The following PACSIN1 variants were observed in gnomAD, a reference collection of about 807,000 sequenced individuals.
PACSIN1 encodes protein kinase C and casein kinase substrate in neurons 1.
Under a neutral mutation model 59.5 loss-of-function variants are expected in PACSIN1, and 15 were observed. The observed-to-expected ratio is 0.25, with a 90% CI of 0.17 to 0.39. PACSIN1 has a LOEUF of 0.39. Among genes scored for constraint, PACSIN1 ranks in the 10% least tolerant of loss-of-function variants. The pLI is 1.00. For missense variants in PACSIN1, 420 were observed against 580.2 expected (o/e 0.72, Z 2.84); for synonymous variants, 210 against 220.6 (o/e 0.95, Z 0.42).
At chr6:34,501,043 C>T (rs1185548821) in intron 1 of PACSIN1, among the ~76,000 whole-genome samples, 2 of 152,228 alleles carry the variant, frequency 1.3e-5, no homozygotes, top group African/African-American at 2.4e-5. Context: ...CTGTTTTCAT[C>T]TTCTATTTAG....
At chr6:34,489,926 AG>A (rs990241959) in intron 1 of PACSIN1, among the ~76,000 whole-genome samples, 1 of 152,214 alleles carries the variant, frequency 6.6e-6, no homozygotes, top group African/African-American at 2.4e-5. Flanking sequence ...CTGGGGTTGC[AG>A]GGTCCTTCCT....
In PACSIN1 at chr6:34,478,207, A is replaced by G. The variant is rs572961228; in HGVS notation, c.-64+11937A>G. On this transcript the variant is annotated intron_variant, in intron 1 of 9. Transcript: ENST00000244458. ...CCTGAGTAGCTGGGACTACAGGCGC[A>G]TCCCACAGTGCCCAGCTAATTTTTT... Among the ~76,000 whole-genome samples, 18 of 146,278 alleles carry G rather than the reference A, an allele frequency of 1.2e-4. No individual in the cohort carries two copies. In the East Asian group the frequency reaches 1.4e-3, roughly 12 times the overall value.
chr6:34,476,145 C>T (rs3846866), intron 1 of PACSIN1, among the ~76,000 whole-genome samples: 53,992 of 152,030 alleles, frequency 0.36, 11,170 homozygotes, highest in Middle Eastern at 0.47. Context: ...AGTATTTAGC[C>T]GCCACCACCG....
In PACSIN1 at chr6:34,526,826, T is replaced by C. The variant is rs563894974; in HGVS notation, c.63+458T>C. Among the ~76,000 whole-genome samples the C allele has an allele frequency of 2.0e-5, 3 of 152,206 alleles. No individual in the cohort carries two copies. The South Asian group carries it at 6.2e-4, about 32-fold the overall frequency. On this transcript the variant is annotated intron_variant, in intron 2 of 9. Coordinates refer to ENST00000244458, the MANE Select transcript of PACSIN1 (RefSeq NM_020804.5). ...AGCATTTTCAGAACCTTCGGAAATA[T>C]TTGAGACCTGGAGAAAAAAAATTGC...
chr6:34,479,142 A>G (rs190743159), intron 1 of PACSIN1, among the ~76,000 whole-genome samples: 85 of 152,306 alleles, frequency 5.6e-4, no homozygotes, highest in African/African-American at 1.9e-3. Flanking sequence ...CTCCCAACAC[A>G]GCCACATTGG....
intron 1 of PACSIN1, among the ~76,000 whole-genome samples, chr6:34,493,637 C>G (rs1273505039): frequency 6.6e-6 from 1 of 152,166 alleles, no homozygotes; most frequent in African/African-American, 2.4e-5. Context: ...TGTTGTGAAC[C>G]CTGGTGGGGA....
chr6:34,482,530 T>C (rs893264657), intron 1 of PACSIN1, among the ~76,000 whole-genome samples: 2 of 152,258 alleles, frequency 1.3e-5, no homozygotes, highest in African/African-American at 2.4e-5. Flanking sequence ...TGATGGACAT[T>C]TGAGTTGTTT....
At chr6:34,473,438 C>G (rs1766598803) in intron 1 of PACSIN1, among the ~76,000 whole-genome samples, 1 of 152,120 alleles carries the variant, frequency 6.6e-6, no homozygotes, top group South Asian at 2.1e-4. Context: ...GACAGGTGGC[C>G]CAGGGCTGCT....
chr6:34,489,840 A>G (rs1417832374), intron 1 of PACSIN1, among the ~76,000 whole-genome samples: 2 of 152,220 alleles, frequency 1.3e-5, no homozygotes, highest in East Asian at 3.8e-4. Context: ...TTTCTCCCAC[A>G]TATAGTTACT....
Position 34,526,151 on chromosome 6 carries a change from G to A in PACSIN1, c.-63-92G>A, listed in dbSNP as rs1023658878. ...TGGCATCCTAATGCAAGCCTCCCTG[G>A]GTCCCATCGGTTTGGGGACCCAGGC... On this transcript the variant is annotated intron_variant, in intron 1 of 9. Transcript: ENST00000244458. The A allele has an allele frequency of 6.4e-5, 39 of 610,940 alleles. No homozygotes were observed. In the East Asian group the frequency reaches 6.9e-4, roughly 11 times the overall value. 37.8% of individuals were successfully genotyped at this position (610,940 alleles called of 1,614,324 possible).
intron 1 of PACSIN1, among the ~76,000 whole-genome samples, chr6:34,500,601 TC>T (rs1767009261): frequency 1.3e-5 from 2 of 152,198 alleles, no homozygotes; most frequent in African/African-American, 2.4e-5. Context: ...CCTTAGAATT[TC>T]AGGAATGGTA....
chr6:34,484,597 ATGGACTC>A (rs72045834), intron 1 of PACSIN1, among the ~76,000 whole-genome samples: 1,575 of 152,246 alleles, frequency 0.01, 24 homozygotes, highest in African/African-American at 0.036. Context: ...AATGTAAACT[ATGGACTC>A]TGGGTGATAA....
At chr6:34,477,308 T>C (rs1165037189) in intron 1 of PACSIN1, among the ~76,000 whole-genome samples, 1 of 148,172 alleles carries the variant, frequency 6.7e-6, no homozygotes, top group Non-Finnish European at 1.5e-5. Context: ...CTGGGCAACA[T>C]AGGGAGATGC....
In PACSIN1 at chr6:34,533,594, C is replaced by T. The variant is rs1478980612; in HGVS notation, c.*1064C>T. 3 of 152,386 alleles carry T rather than the reference C, an allele frequency of 2.0e-5. No homozygotes were observed. Among genetic ancestry groups the T allele is most frequent in the African/African-American group, 7.2e-5 (3 of 41,476 alleles). The allele number at this position is 152,386 out of a possible 1,614,324, so 9.4% of individuals were successfully genotyped here. ...CAAGGCTCTTGGCCTAACCATTCCT[C>T]TGTCCTCTTCTCTGGCCTGCCTGGG... On this transcript the variant is annotated 3_prime_UTR_variant, in exon 10 of 10. Transcript: ENST00000244458.
intron 1 of PACSIN1, among the ~76,000 whole-genome samples, chr6:34,524,889 C>T (rs1019712012): frequency 6.6e-6 from 1 of 152,332 alleles, no homozygotes; most frequent in South Asian, 2.1e-4. Flanking sequence ...CCAACTCCTG[C>T]CCGCCCCCCA....
In PACSIN1 at chr6:34,514,743, G is replaced by C. The variant is rs191532975; in HGVS notation, c.-63-11500G>C. ...GGCATCCCCTGCTGTACATGGGAGG[G>C]AGGCTGTCTGTGCAGAGCATTGCCC... On this transcript the variant is annotated intron_variant, in intron 1 of 9. Coordinates refer to ENST00000244458, the MANE Select transcript of PACSIN1 (RefSeq NM_020804.5). This position sits in a 1 kb window ranked among gnomAD's most constrained non-coding sequence, Gnocchi z 4.4. 6.6e-6 allele frequency: 1 copy of C among 152,546 alleles called. No individual in the cohort carries two copies. Among genetic ancestry groups the C allele is most frequent in the South Asian group, 2.1e-4 (1 of 4,844 alleles). 9.4% of individuals were successfully genotyped at this position (152,546 alleles called of 1,614,324 possible).
chr6:34,502,757 C>T (rs117375483), intron 1 of PACSIN1, among the ~76,000 whole-genome samples: 1,778 of 152,234 alleles, frequency 0.012, 45 homozygotes, highest in East Asian at 0.096. Context: ...TGAGCCACCG[C>T]GCCTGGCCGA....
Position 34,531,564 on chromosome 6 carries a change from G to T in PACSIN1, c.1038-36G>T. 1.2e-6 allele frequency: 2 copies of T among 1,607,186 alleles called. No homozygotes were observed. Among genetic ancestry groups the T allele is most frequent in the Non-Finnish European group, 1.7e-6 (2 of 1,175,382 alleles). ...GTTAGCCCTCGGGATGCGGTACGGG[G>T]AGACATTGAAGCTGGCTCCTTCCTC... On this transcript the variant is annotated intron_variant, in intron 8 of 9. Coordinates refer to ENST00000244458, the MANE Select transcript of PACSIN1 (RefSeq NM_020804.5). The surrounding 1 kb of genome is among the most constrained non-coding windows in gnomAD (Gnocchi z 4.4).
At chr6:34,506,785 G>A (rs543771086) in intron 1 of PACSIN1, among the ~76,000 whole-genome samples, 12 of 152,240 alleles carry the variant, frequency 7.9e-5, no homozygotes, top group East Asian at 3.9e-4. Context: ...GCTCCTATGT[G>A]GTCTCCACTG....
Sources: allele counts gnomAD v4.1 joint callset (sites outside exome capture counted in the v4.1 genomes callset), GRCh38; gene constraint gnomAD v4.1.1; non-coding constraint Gnocchi (gnomAD v3.1); transcripts MANE v1.5; gene names NCBI Gene and HGNC (gene_info 2026-07-23, HGNC 2026-07-21).